The following ADORA2A variants were observed in gnomAD, a reference collection of about 807,000 sequenced individuals.
The protein encoded by ADORA2A is adenosine receptor A2a.
In ADORA2A, 11 loss-of-function variants were observed where a neutral mutation model predicts 18.4. The ratio of observed to expected loss-of-function variants is 0.60; its 90% CI spans 0.38 to 0.99. ADORA2A has a LOEUF of 0.99. Ranked by LOEUF, ADORA2A falls within the 50% of genes least tolerant of loss-of-function variation. ADORA2A has a pLI of 0.01. For synonymous variants in ADORA2A, 218 were observed against 237.3 expected, an observed-to-expected ratio of 0.92 and a Z score of 0.75; for missense variants, 449 against 556.1, an observed-to-expected ratio of 0.81 and a Z score of 1.94.
At chr22:24,426,171 G>T (rs978925324), upstream of ADORA2A, among the ~76,000 whole-genome samples, 3 of 152,212 alleles carry the variant, frequency 2.0e-5, no homozygotes, top group African/African-American at 7.2e-5. Context: ...TCTCAGCTGT[G>T]TCCTGACACT....
chr22:24,440,587 A>G lies in ADORA2A; in HGVS notation c.337A>G (p.Asn113Asp). ...YIAIRIPLRY[N>D]GLVTGTRAKG... is the part of the protein sequence containing the mutation. ...ATGCTGGTCTCTTCTCCCCAGGTAC[A>G]ATGGCTTGGTGACCGGCACGAGGGC... is the stretch of plus-strand genomic sequence containing the variant. The change falls in exon 3 of 3, where the codon AAT becomes GAT. Residue 113 changes from asparagine (N) to aspartate (D), a missense_variant. Transcript: ENST00000337539. 1 of 1,557,142 alleles carries G rather than the reference A, an allele frequency of 6.4e-7. No homozygotes were observed. The highest frequency in any genetic ancestry group is 8.7e-7 in the Non-Finnish European group (1 of 1,149,120).
chr22:24,437,025 T>G (rs2043195890), intron 2 of ADORA2A, among the ~76,000 whole-genome samples: 1 of 152,140 alleles, frequency 6.6e-6, no homozygotes, highest in Non-Finnish European at 1.5e-5. Flanking sequence ...GGTCCATGGC[T>G]CTTCAATTCT....
upstream of ADORA2A, among the ~76,000 whole-genome samples, chr22:24,427,377 G>C (rs1264542944): frequency 6.6e-6 from 1 of 152,164 alleles, no homozygotes; most frequent in African/African-American, 2.4e-5. Context: ...GGCATTGTGA[G>C]GCCCTGCACC....
chr22:24,439,859 TAAC>T (rs2043289748), intron 2 of ADORA2A, among the ~76,000 whole-genome samples: 1 of 152,160 alleles, frequency 6.6e-6, no homozygotes, highest in South Asian at 2.1e-4. Flanking sequence ...ATGTAAATGT[TAAC>T]AAGTAATTCT....
chr22:24,441,211 G>A lies in ADORA2A; in HGVS notation c.961G>A (p.Ala321Thr), dbSNP rs1456746363. 1 of 1,613,948 alleles carries A rather than the reference G, an allele frequency of 6.2e-7. No homozygotes were observed. Among genetic ancestry groups the A allele is most frequent in the Non-Finnish European group, 8.5e-7 (1 of 1,180,054 alleles). Reference sequence around the variant, plus strand: ...ACCTTTCAAGGCAGCTGGCACCAGTGCCCGGGTCTTGGCAGCTCATGGCAG... The same window carrying A: ...ACCTTTCAAGGCAGCTGGCACCAGTACCCGGGTCTTGGCAGCTCATGGCAG... Reference protein sequence around the residue: ...QEPFKAAGTSARVLAAHGSDG... With the variant: ...QEPFKAAGTSTRVLAAHGSDG... The change falls in exon 3 of 3, where the codon GCC becomes ACC. Residue 321 changes from alanine (A) to threonine (T), a missense_variant. By Grantham distance (58) the Ala-to-Thr change is moderately conservative. Transcript: ENST00000337539.
At chr22:24,426,219 C>T (rs1039010240), upstream of ADORA2A, among the ~76,000 whole-genome samples, 5 of 152,198 alleles carry the variant, frequency 3.3e-5, no homozygotes, top group African/African-American at 1.2e-4. Context: ...AGACCTAATA[C>T]CCGAGCCACC....
chr22:24,436,989 G>C (rs1264952745), intron 2 of ADORA2A, among the ~76,000 whole-genome samples: 1 of 152,192 alleles, frequency 6.6e-6, no homozygotes, highest in Non-Finnish European at 1.5e-5. Context: ...GTTCGTACCA[G>C]GGGAAGGAAT....
intron 2 of ADORA2A, chr22:24,439,547 C>G (rs539692412): frequency 1.3e-4 from 20 of 152,216 alleles, no homozygotes; most frequent in African/African-American, 4.8e-4. Flanking sequence ...GGAGTGTAGT[C>G]TGGTCTTGCC....
rs200750556 is a variant in ADORA2A, at chr22:24,441,560, T to A, written c.*71T>A. ...TTTCTGGTTGGCTTGACCAGTCACG[T>A]TGGGAGAAGAGAGAGAGTGCCAGGA... is the stretch of plus-strand genomic sequence containing the variant. On this transcript the variant is annotated 3_prime_UTR_variant, in exon 3 of 3. Coordinates refer to ENST00000337539, the MANE Select transcript of ADORA2A (RefSeq NM_000675.6). 4 of 1,408,402 alleles carry A rather than the reference T, an allele frequency of 2.8e-6. No homozygotes were observed. The East Asian group carries it at 7.5e-5, about 26-fold the overall frequency. 87.2% of individuals were successfully genotyped at this position (1,408,402 alleles called of 1,614,324 possible). A position where few individuals can be genotyped will look rare whatever the true frequency, so the allele number is the denominator to read the frequency against.
At chr22:24,435,524 G>T (rs549073133) in intron 2 of ADORA2A, among the ~76,000 whole-genome samples, 1 of 152,196 alleles carries the variant, frequency 6.6e-6, no homozygotes, top group Non-Finnish European at 1.5e-5. Flanking sequence ...TCTGTTTTCT[G>T]AGAGTTGAGA....
Position 24,441,066 on chromosome 22 carries a change from G to T in ADORA2A, c.816G>T (p.Leu272=), listed in dbSNP as rs1325626882. ...ACGCCCCTCTCTGGCTCATGTACCT[G>T]GCCATCGTCCTCTCCCACACCAATT... is the stretch of plus-strand genomic sequence containing the variant. ...CSHAPLWLMY[L]AIVLSHTNSV... is the part of the protein sequence containing the mutation. Residue 272 remains leucine, a synonymous_variant, in exon 3 of 3, where the codon CTG becomes CTT. Coordinates refer to ENST00000337539, the MANE Select transcript of ADORA2A (RefSeq NM_000675.6). The T allele has an allele frequency of 6.2e-7, 1 of 1,613,980 alleles. No homozygotes were observed. The highest frequency in any genetic ancestry group is 8.5e-7 in the Non-Finnish European group (1 of 1,180,044).
chr22:24,423,974 G>A (rs1327663488), upstream of ADORA2A: 1 of 152,244 alleles, frequency 6.6e-6, no homozygotes, highest in Non-Finnish European at 1.5e-5. Flanking sequence ...CGGGGTGCTA[G>A]GTCTGGCGTG....
upstream of ADORA2A, among the ~76,000 whole-genome samples, chr22:24,424,762 T>G (rs2042899414): frequency 6.6e-6 from 1 of 150,730 alleles, no homozygotes; most frequent in Non-Finnish European, 1.5e-5. This position sits in a 1 kb window ranked among gnomAD's most constrained non-coding sequence, Gnocchi z 4.9. Flanking sequence ...GGAGCGGAGG[T>G]AGGAATGGCG....
chr22:24,439,062 C>T (rs2146917764), intron 2 of ADORA2A, among the ~76,000 whole-genome samples: 1 of 141,858 alleles, frequency 7.0e-6, no homozygotes, highest in South Asian at 2.3e-4. Flanking sequence ...GCACATCCTT[C>T]CCCTTGCACC....
chr22:24,439,988 G>T (rs1468420612), intron 2 of ADORA2A, among the ~76,000 whole-genome samples: 2 of 152,080 alleles, frequency 1.3e-5, no homozygotes, highest in Non-Finnish European at 2.9e-5. Flanking sequence ...AAGGGCTTCT[G>T]GAGTCCCCAA....
At chr22:24,425,809 G>A (rs1013336366), upstream of ADORA2A, among the ~76,000 whole-genome samples, 2 of 152,224 alleles carry the variant, frequency 1.3e-5, no homozygotes, top group African/African-American at 4.8e-5. Context: ...TTGCCTCCTC[G>A]ACCCACTCGC....
At chr22:24,438,409 G>C (rs2043231214) in intron 2 of ADORA2A, 1 of 152,218 alleles carries the variant, frequency 6.6e-6, no homozygotes, top group African/African-American at 2.4e-5. Flanking sequence ...AAAGCACTAA[G>C]AACAGTGTCC....
Position 24,433,369 on chromosome 22 carries a change from C to T in ADORA2A, c.-36C>T. On this transcript the variant is annotated 5_prime_UTR_variant, in exon 2 of 3. Transcript: ENST00000337539. ...GCAATGGACCGTGAGCTGGCCCAGC[C>T]CGCGTCCGTGCTGAGCCTGCCTGTC... The T allele has an allele frequency of 3.9e-6, 6 of 1,549,552 alleles. No homozygotes were observed. The highest frequency in any genetic ancestry group is 5.3e-6 in the Non-Finnish European group (6 of 1,142,524).
intron 2 of ADORA2A, among the ~76,000 whole-genome samples, chr22:24,435,096 C>T (rs931371937): frequency 6.6e-6 from 1 of 152,204 alleles, no homozygotes; most frequent in African/African-American, 2.4e-5. Flanking sequence ...CCTCACACTG[C>T]CCTGTCAGAT....
Sources: gnomAD v4.1 joint callset for allele counts (sites outside exome capture counted in the v4.1 genomes callset) on GRCh38, gnomAD v4.1.1 for gene constraint, Gnocchi (gnomAD v3.1) non-coding constraint, MANE v1.5 for transcripts, NCBI Gene and HGNC (gene_info 2026-07-23, HGNC 2026-07-21) for gene names.